Variants in TFCP2 observed in about 807,000 individuals in gnomAD.
The protein encoded by TFCP2 is transcription factor CP2, also known as alpha-globin transcription factor CP2.
In TFCP2, 33 loss-of-function variants were observed where a neutral mutation model predicts 73.4. The ratio of observed to expected loss-of-function variants is 0.45; its 90% CI spans 0.34 to 0.60. The LOEUF (loss-of-function observed/expected upper bound fraction) is 0.60, where lower values mean the gene tolerates loss of function less well. TFCP2 is among the 20% of genes least tolerant of loss of function. The pLI, the probability that TFCP2 is intolerant of heterozygous loss-of-function variation, is 0.01. For missense variants in TFCP2, 352 were observed against 604.0 expected (o/e 0.58, Z 4.37); for synonymous variants, 193 against 211.6 (o/e 0.91, Z 0.76).
At chr12:51,129,960 G>A (rs967231962) in intron 1 of TFCP2, among the ~76,000 whole-genome samples, 2 of 142,850 alleles carry the variant, frequency 1.4e-5, no homozygotes, top group African/African-American at 5.2e-5. Context: ...ACCAGCCTGG[G>A]TAAAAAATAA....
intron 1 of TFCP2, chr12:51,125,112 C>T (rs777384412): frequency 1.6e-4 from 122 of 752,398 alleles, no homozygotes; most frequent in Non-Finnish European, 2.5e-4. Flanking sequence ...AGGAAGCTGG[C>T]TAGCAACAGG....
intron 1 of TFCP2, among the ~76,000 whole-genome samples, chr12:51,152,622 G>GA (rs1251219230): frequency 6.6e-6 from 1 of 151,982 alleles, no homozygotes; most frequent in African/African-American, 2.4e-5. Flanking sequence ...AAATCATTCA[G>GA]AAAAAAATAA....
Position 51,104,208 on chromosome 12 carries a change from AG to A in TFCP2, c.918-6del. 6.2e-7 allele frequency: 1 copy of A among 1,613,726 alleles called. No individual in the cohort carries two copies. Among genetic ancestry groups the A allele is most frequent in the Admixed American group, 1.7e-5 (1 of 59,976 alleles). On this transcript the variant is annotated splice_polypyrimidine_tract_variant and splice_region_variant and intron_variant, in intron 8 of 14. Coordinates refer to ENST00000257915, the MANE Select transcript of TFCP2 (RefSeq NM_005653.5). ...TGGTGGTTTGGTGAACCATTTCTAA[AG>A]AAACATTTAAAATGAAAGGATGAGT...
At chr12:51,170,550 C>T (rs1420436881) in intron 1 of TFCP2, among the ~76,000 whole-genome samples, 1 of 151,958 alleles carries the variant, frequency 6.6e-6, no homozygotes, top group East Asian at 1.9e-4. Flanking sequence ...TCTTGAACTC[C>T]TTGGCTTCAA....
At chr12:51,095,940 T>C in intron 14 of TFCP2, 49 bp downstream of exon 14, 2 of 1,493,200 alleles carry the variant, frequency 1.3e-6, no homozygotes, top group East Asian at 2.3e-5. Flanking sequence ...TGCCTAGTAG[T>C]AGTAAAGCTG....
chr12:51,122,425 A>G (rs983610130), intron 1 of TFCP2, among the ~76,000 whole-genome samples: 6 of 151,330 alleles, frequency 4.0e-5, no homozygotes, highest in African/African-American at 1.5e-4. Context: ...CACTCAGCTA[A>G]TTTTTATATT....
chr12:51,103,839 AC>A, intron 9 of TFCP2, 76 bp from the exon 10 acceptor site: 2 of 1,078,196 alleles, frequency 1.9e-6, no homozygotes, highest in Non-Finnish European at 2.8e-6. Context: ...ATAGCCAAAC[AC>A]CCCACACAAC....
intron 1 of TFCP2, among the ~76,000 whole-genome samples, chr12:51,155,766 G>C (rs761149666): frequency 3.3e-5 from 5 of 152,196 alleles, no homozygotes; most frequent in Non-Finnish European, 5.9e-5. Flanking sequence ...TATAGGCCAG[G>C]CGCAGTGGCT....
intron 8 of TFCP2, 107 bp downstream of exon 8, chr12:51,106,418 A>T: frequency 1.2e-6 from 1 of 801,394 alleles, no homozygotes; most frequent in Non-Finnish European, 1.9e-6. Context: ...TCAAAGAACG[A>T]CCAAATAGAT....
chr12:51,160,135 T>TA (rs1941618795), intron 1 of TFCP2, among the ~76,000 whole-genome samples: 2 of 80,358 alleles, frequency 2.5e-5, no homozygotes, highest in Non-Finnish European at 4.9e-5. Flanking sequence ...CTCTCTGAAT[T>TA]TTTTTTTTTT....
chr12:51,156,273 C>T (rs915279782), intron 1 of TFCP2, among the ~76,000 whole-genome samples: 2 of 151,670 alleles, frequency 1.3e-5, no homozygotes, highest in African/African-American at 4.8e-5. Flanking sequence ...TGATAAGTAC[C>T]TCAGGAAACT....
At chr12:51,150,305 CT>C (rs1436588309) in intron 1 of TFCP2, among the ~76,000 whole-genome samples, 1 of 152,038 alleles carries the variant, frequency 6.6e-6, no homozygotes, top group African/African-American at 2.4e-5. Context: ...GGAATCCCAG[CT>C]ACTTGGGAGG....
At position 51,095,673 on chromosome 12, in the gene TFCP2, A is replaced by G. The variant is rs544770829; in HGVS notation, c.1471+316T>C. ...TACTAAAAATACAAAAATTAGCCAG[A>G]CATGGTGGCACGTGCCTGTAATCCC... On this transcript the variant is annotated intron_variant, in intron 14 of 14. Transcript: ENST00000257915. 3.3e-4 allele frequency among the ~76,000 whole-genome samples: 50 copies of G among 151,746 alleles called. No individual in the cohort carries two copies. The South Asian group carries it at 0.01, about 31-fold the overall frequency.
intron 1 of TFCP2, among the ~76,000 whole-genome samples, chr12:51,127,937 T>C (rs890474450): frequency 8.6e-5 from 13 of 151,606 alleles, no homozygotes; most frequent in African/African-American, 2.4e-4. Flanking sequence ...TTTTTTTTTT[T>C]GAGACGGAGT....
At chr12:51,099,889 G>A in intron 11 of TFCP2, 110 bp from the exon 12 acceptor site, 1 of 1,329,724 alleles carries the variant, frequency 7.5e-7, no homozygotes, top group Non-Finnish European at 1.0e-6. Flanking sequence ...ATGAAAATTG[G>A]AAGCTCATTG....
intron 1 of TFCP2, among the ~76,000 whole-genome samples, chr12:51,156,683 C>T (rs1941544346): frequency 6.6e-6 from 1 of 152,188 alleles, no homozygotes; most frequent in African/African-American, 2.4e-5. Flanking sequence ...GTCATCAGGT[C>T]CAGAGATTTC....
rs1940383239 is a variant in TFCP2 at position 51,110,911 on chromosome 12, C to A, written c.530G>T (p.Trp177Leu). Residue 177 changes from tryptophan to leucine, a missense_variant, in exon 5 of 15, where the codon TGG becomes TTG. By Grantham distance (61) the Trp-to-Leu change is moderately conservative (BLOSUM62 -2). This residue lies in a region of TFCP2 where 31 missense variants were observed against 43.7 expected (regional missense o/e 0.71). Transcript: ENST00000257915. ...PTQLNTVEFL[W>L]DPAKRTSVFI... ...CACAGATGTCCTCTTTGCAGGGTCC[C>A]ACAGGAACTCCACTGTATTTAGTTG... The A allele has an allele frequency of 6.2e-7, 1 of 1,614,026 alleles. No individual in the cohort carries two copies. Among genetic ancestry groups the A allele is most frequent in the African/African-American group, 1.3e-5 (1 of 75,016 alleles).
At chr12:51,157,689 T>C (rs1360699641) in intron 1 of TFCP2, among the ~76,000 whole-genome samples, 11 of 132,100 alleles carry the variant, frequency 8.3e-5, no homozygotes, top group African/African-American at 3.0e-4. Flanking sequence ...TTCTTTTCTT[T>C]TTTTTTTTTT....
chr12:51,115,411 C>T (rs908011576), intron 4 of TFCP2, among the ~76,000 whole-genome samples: 5 of 152,034 alleles, frequency 3.3e-5, no homozygotes, highest in Admixed American at 6.6e-5. Flanking sequence ...TGAGCCATCG[C>T]GCCCGGCCGA....
Sources: gnomAD v4.1 joint callset for allele counts (sites outside exome capture counted in the v4.1 genomes callset) on GRCh38, gnomAD v4.1.1 for gene constraint, gnomAD v4.1.1 regional missense constraint, MANE v1.5 for transcripts, NCBI Gene and HGNC (gene_info 2026-07-23, HGNC 2026-07-21) for gene names.